Variants in LRRC4C observed in about 807,000 individuals in gnomAD.
The protein encoded by LRRC4C is leucine rich repeat containing 4C, also known as leucine-rich repeat-containing protein 4C.
LRRC4C carries 5 observed loss-of-function variants against 33.6 expected under a neutral mutation model. That is an observed-to-expected ratio of 0.15 (90% confidence interval 0.08 to 0.31). The LOEUF (loss-of-function observed/expected upper bound fraction) is 0.31. Ranked by LOEUF, LRRC4C falls within the 10% of genes least tolerant of loss-of-function variation. The pLI is 1.00. For synonymous variants in LRRC4C, 329 were observed against 302.0 expected (o/e 1.09, Z -0.93); for missense variants, 560 against 796.7 (o/e 0.70, Z 3.58).
At chr11:40,758,506 G>A (rs527988800) in intron 2 of LRRC4C, among the ~76,000 whole-genome samples, 1 of 152,078 alleles carries the variant, frequency 6.6e-6, no homozygotes, top group African/African-American at 2.4e-5. Context: ...TCAAAGAAAG[G>A]TTTTGTTGAT....
In LRRC4C at chr11:41,160,153, T is replaced by C. The variant is rs529391189; in HGVS notation, c.-495-226430A>G. Reference sequence around the variant, plus strand: ...AAAGAGATATTTAAATTTCATTCTATGTGCTTCTGCCATAAGAGTTGATAA... The same window carrying C: ...AAAGAGATATTTAAATTTCATTCTACGTGCTTCTGCCATAAGAGTTGATAA... On this transcript the variant is annotated intron_variant, in intron 1 of 6. Coordinates refer to ENST00000528697, the MANE Select transcript of LRRC4C (RefSeq NM_001258419.2). 2.0e-5 allele frequency among the ~76,000 whole-genome samples: 3 copies of C among 152,272 alleles called. No homozygotes were observed. In the East Asian group the frequency reaches 5.8e-4, roughly 29 times the overall value.
intron 3 of LRRC4C, among the ~76,000 whole-genome samples, chr11:40,333,032 G>T (rs897488234): frequency 6.6e-6 from 1 of 152,176 alleles, no homozygotes; most frequent in African/African-American, 2.4e-5. Context: ...TGAGCAAATA[G>T]GTGCACTTAT....
At chr11:41,018,827 A>C (rs1008438339) in intron 1 of LRRC4C, among the ~76,000 whole-genome samples, 3 of 152,058 alleles carry the variant, frequency 2.0e-5, no homozygotes, top group African/African-American at 4.8e-5. Context: ...TAAGTAGCAA[A>C]ATTTTCTTAA....
chr11:41,363,977 G>T, intron 1 of LRRC4C, among the ~76,000 whole-genome samples: 1 of 152,102 alleles, frequency 6.6e-6, no homozygotes, highest in East Asian at 1.9e-4. Flanking sequence ...CCCATAAGGA[G>T]TTAAATAAAG....
chr11:40,196,233 A>G lies in LRRC4C; in HGVS notation c.-96+45286T>C, dbSNP rs115513992. Among the ~76,000 whole-genome samples, 822 of 152,328 alleles carry G rather than the reference A, an allele frequency of 5.4e-3. 9 individuals are homozygous for G. The highest frequency in any genetic ancestry group is 0.018 in the African/African-American group (755 of 41,574). On this transcript the variant is annotated intron_variant, in intron 5 of 6. Transcript: ENST00000528697. ...GGCAGACACTACGAAGGGGTAAAAA[A>G]GGATGAAACAAACAGAATGAAAACC...
chr11:41,459,136 G>A (rs555257016), intron 1 of LRRC4C, among the ~76,000 whole-genome samples: 1 of 152,200 alleles, frequency 6.6e-6, no homozygotes, highest in Non-Finnish European at 1.5e-5. Context: ...TGCAAGGCAG[G>A]AGAAAGGCGG....
intron 2 of LRRC4C, among the ~76,000 whole-genome samples, chr11:40,648,650 G>A (rs547491891): frequency 1.3e-5 from 2 of 152,292 alleles, no homozygotes; most frequent in African/African-American, 2.4e-5. Flanking sequence ...ATGGGCCTGG[G>A]CTATGTGAAT....
rs142066747 is a variant in LRRC4C at position 40,376,534 on chromosome 11, A to G, written c.-269-56813T>C. Reference sequence around the variant, plus strand: ...CATATTTTTTATATGACTGTTAGTCATGGATTTAAACCGATAAACTCCCAG... The same window carrying G: ...CATATTTTTTATATGACTGTTAGTCGTGGATTTAAACCGATAAACTCCCAG... On this transcript the variant is annotated intron_variant, in intron 3 of 6. Transcript: ENST00000528697. Among the ~76,000 whole-genome samples the G allele has an allele frequency of 1.5e-3, 226 of 152,302 alleles. 1 individual carries two copies. The highest frequency in any genetic ancestry group is 5.3e-3 in the African/African-American group (221 of 41,582).
intron 2 of LRRC4C, among the ~76,000 whole-genome samples, chr11:40,828,745 T>C (rs777773143): frequency 1.3e-5 from 2 of 151,852 alleles, no homozygotes; most frequent in African/African-American, 2.4e-5. Context: ...TTTCCTCTTG[T>C]GGAAAACAAA....
chr11:40,783,147 G>A lies in LRRC4C; in HGVS notation c.-406-134869C>T, dbSNP rs538657712. Among the ~76,000 whole-genome samples the A allele has an allele frequency of 2.2e-3, 334 of 152,132 alleles. 1 individual carries two copies. Among genetic ancestry groups the A allele is most frequent in the African/African-American group, 7.6e-3 (314 of 41,498 alleles). ...TTAATAATATTTTCTTAAATGCAGCGAAGTTTGAAATATTGAACACTATGC... is the reference window on the plus strand; with the variant it reads ...TTAATAATATTTTCTTAAATGCAGCAAAGTTTGAAATATTGAACACTATGC... On this transcript the variant is annotated intron_variant, in intron 2 of 6. Coordinates refer to ENST00000528697, the MANE Select transcript of LRRC4C (RefSeq NM_001258419.2).
rs556580650 is a variant in LRRC4C at position 40,758,135 on chromosome 11, A to T, written c.-406-109857T>A. Among the ~76,000 whole-genome samples the T allele has an allele frequency of 1.3e-4, 20 of 152,170 alleles. 1 individual carries two copies. In the South Asian group the frequency reaches 4.1e-3, roughly 32 times the overall value. On this transcript the variant is annotated intron_variant, in intron 2 of 6. Coordinates refer to ENST00000528697, the MANE Select transcript of LRRC4C (RefSeq NM_001258419.2). ...AGCATCAGTCACCATTTCTTCAGCAAACATTTCCTGGGCATCTTTTGTATT... is the reference window on the plus strand; with the variant it reads ...AGCATCAGTCACCATTTCTTCAGCATACATTTCCTGGGCATCTTTTGTATT...
chr11:41,348,894 A>G (rs1399148714), intron 1 of LRRC4C, among the ~76,000 whole-genome samples: 3 of 152,212 alleles, frequency 2.0e-5, no homozygotes, highest in African/African-American at 4.8e-5. Flanking sequence ...CCAGATAGTT[A>G]GCAGAGACAG....
At chr11:40,983,334 C>T (rs558067048) in intron 1 of LRRC4C, among the ~76,000 whole-genome samples, 1 of 152,242 alleles carries the variant, frequency 6.6e-6, no homozygotes, top group South Asian at 2.1e-4. Context: ...TCTCCAGGAA[C>T]CCTTCCTTAC....
At chr11:40,674,151 T>C (rs1944271497) in intron 2 of LRRC4C, among the ~76,000 whole-genome samples, 1 of 152,352 alleles carries the variant, frequency 6.6e-6, no homozygotes, top group East Asian at 1.9e-4. Context: ...ACATAATATC[T>C]TTTAGAATAT....
intron 1 of LRRC4C, among the ~76,000 whole-genome samples, chr11:41,162,588 T>C (rs1944521361): frequency 6.6e-6 from 1 of 152,208 alleles, no homozygotes; most frequent in South Asian, 2.1e-4. Flanking sequence ...TACAAACCTG[T>C]ACGGTATGTT....
At chr11:40,820,260 T>C (rs1357175084) in intron 2 of LRRC4C, among the ~76,000 whole-genome samples, 1 of 151,944 alleles carries the variant, frequency 6.6e-6, no homozygotes, top group Admixed American at 6.6e-5. Flanking sequence ...AGTGGAAACA[T>C]TTTTACATGA....
rs1320927170 is a variant in LRRC4C at position 41,025,029 on chromosome 11, A to G, written c.-495-91306T>C. On this transcript the variant is annotated intron_variant, in intron 1 of 6. Transcript: ENST00000528697. The stretch of plus-strand genomic sequence containing the variant: ...ACCAAGCCCTTATAAGACAGCATAC[A>G]TAATAGATAAATGTGTGTTCTCACT... Among the ~76,000 whole-genome samples, 3 of 151,586 alleles carry G rather than the reference A, an allele frequency of 2.0e-5. No homozygotes were observed. The East Asian group carries it at 5.8e-4, about 29-fold the overall frequency.
chr11:40,666,619 G>A (rs1473063640), intron 2 of LRRC4C, among the ~76,000 whole-genome samples: 2 of 152,060 alleles, frequency 1.3e-5, no homozygotes, highest in Non-Finnish European at 2.9e-5. Flanking sequence ...TTTGCTAATA[G>A]TATCTTATAT....
chr11:40,742,993 G>C (rs927517668), intron 2 of LRRC4C, among the ~76,000 whole-genome samples: 3 of 152,036 alleles, frequency 2.0e-5, no homozygotes, highest in African/African-American at 7.2e-5. Context: ...TTTCTGTGCT[G>C]CTCATCTGAA....
Sources: gnomAD v4.1 joint callset for allele counts (sites outside exome capture counted in the v4.1 genomes callset) on GRCh38, gnomAD v4.1.1 for gene constraint, MANE v1.5 for transcripts, NCBI Gene and HGNC (gene_info 2026-07-23, HGNC 2026-07-21) for gene names.